The following ADGRL2 variants were observed in gnomAD, a reference collection of about 807,000 sequenced individuals.
ADGRL2 encodes calcium-independent alpha-latrotoxin receptor 2.
ADGRL2 carries 44 observed loss-of-function variants against 157.4 expected under a neutral mutation model. That is an observed-to-expected ratio of 0.28 (90% CI 0.22 to 0.36). The LOEUF is 0.36. ADGRL2 is among the 10% of genes least tolerant of loss of function. The pLI, the probability that ADGRL2 is intolerant of heterozygous loss-of-function variation, is 1.00. For synonymous variants in ADGRL2, 585 were observed against 624.7 expected (o/e 0.94, Z 0.95); for missense variants, 1,510 against 1,768.9 (o/e 0.85, Z 2.63).
chr1:81,331,022 G>C (rs560123590), intron 1 of ADGRL2, among the ~76,000 whole-genome samples: 1 of 152,124 alleles, frequency 6.6e-6, no homozygotes, highest in Non-Finnish European at 1.5e-5. Flanking sequence ...AAACATATTT[G>C]CATGCCCCAT....
At chr1:81,671,744 C>G (rs1412213359) in intron 3 of ADGRL2, among the ~76,000 whole-genome samples, 2 of 152,292 alleles carry the variant, frequency 1.3e-5, no homozygotes, top group African/African-American at 4.8e-5. Context: ...AACTCCTGAC[C>G]TCAGGTGATC....
chr1:81,847,131 A>G (rs2092823570), intron 2 of ADGRL2, among the ~76,000 whole-genome samples: 1 of 151,904 alleles, frequency 6.6e-6, no homozygotes, highest in Non-Finnish European at 1.5e-5. Flanking sequence ...AATGTGTATT[A>G]GGATCCAGAG....
intron 1 of ADGRL2, among the ~76,000 whole-genome samples, chr1:81,369,983 A>T (rs1343770880): frequency 6.6e-6 from 1 of 152,144 alleles, no homozygotes; most frequent in Admixed American, 6.6e-5. Flanking sequence ...GAGTGATGTC[A>T]TCAGTTAGTA....
At chr1:81,610,229 G>GTTTTTT (rs10657640) in intron 3 of ADGRL2, among the ~76,000 whole-genome samples, 7 of 127,384 alleles carry the variant, frequency 5.5e-5, no homozygotes, top group Non-Finnish European at 6.4e-5. Flanking sequence ...TGGCTTGGAG[G>GTTTTTT]TTTTTTTTTT....
chr1:81,956,126 C>G, intron 11 of ADGRL2, 66 bp downstream of exon 11: 1 of 1,209,640 alleles, frequency 8.3e-7, no homozygotes, highest in African/African-American at 1.5e-5. Context: ...GATGATGTTT[C>G]CATTCTGTAT....
chr1:81,626,665 A>C (rs1336758724), intron 3 of ADGRL2, among the ~76,000 whole-genome samples: 2 of 152,210 alleles, frequency 1.3e-5, no homozygotes, highest in African/African-American at 4.8e-5. Context: ...TTAGCTGAAA[A>C]CATTATTCAC....
At position 81,307,352 on chromosome 1, in the gene ADGRL2, T is replaced by C. The variant is rs534027235; in HGVS notation, c.-302+843T>C. On this transcript the variant is annotated intron_variant, in intron 1 of 24. Transcript: ENST00000370721. ...CTGGGCTTACGTTACTTCATATGTG[T>C]CTCCTTGAAGTTACTTATAATATTT... Among the ~76,000 whole-genome samples, 4 of 152,286 alleles carry C rather than the reference T, an allele frequency of 2.6e-5. No individual in the cohort carries two copies. The East Asian group carries it at 7.7e-4, about 29-fold the overall frequency.
intron 1 of ADGRL2, among the ~76,000 whole-genome samples, chr1:81,333,762 CAAA>C (rs35097540): frequency 7.1e-5 from 8 of 111,940 alleles, no homozygotes; most frequent in East Asian, 3.4e-4. Context: ...GTTCCCTAAG[CAAA>C]AAAAAAAAAA....
At chr1:81,383,662 T>TA (rs530939816) in intron 1 of ADGRL2, among the ~76,000 whole-genome samples, 7,663 of 141,970 alleles carry the variant, frequency 0.054, 253 homozygotes, top group East Asian at 0.13. Context: ...ACTACTAGTT[T>TA]AAAAAAAAAA....
At chr1:81,436,223 G>A (rs2077406582) in intron 1 of ADGRL2, among the ~76,000 whole-genome samples, 1 of 152,136 alleles carries the variant, frequency 6.6e-6, no homozygotes, top group African/African-American at 2.4e-5. Flanking sequence ...AAGAAGCACA[G>A]GGCAGACACG....
At chr1:81,536,608 G>GT (rs1338334395) in intron 2 of ADGRL2, among the ~76,000 whole-genome samples, 1 of 152,078 alleles carries the variant, frequency 6.6e-6, no homozygotes, top group Non-Finnish European at 1.5e-5. Context: ...CTGATCTAGG[G>GT]TTTTTTGTTT....
chr1:81,667,476 A>G (rs937203447), intron 3 of ADGRL2, among the ~76,000 whole-genome samples: 1 of 152,222 alleles, frequency 6.6e-6, no homozygotes, highest in African/African-American at 2.4e-5. Context: ...AGACAGTTTT[A>G]TAGTGCTACA....
intron 3 of ADGRL2, chr1:81,585,803 C>G (rs2081013941): frequency 6.6e-6 from 1 of 151,956 alleles, no homozygotes; most frequent in Non-Finnish European, 1.5e-5. Flanking sequence ...TTAATTCATT[C>G]CTTTGGCCTT....
rs3046460 is a variant in ADGRL2 at position 81,905,947 on chromosome 1, AGTGTGTGTGTGT to A, written c.74-1041_74-1030del. On this transcript the variant is annotated intron_variant, in intron 2 of 23. Coordinates refer to ENST00000686636, the MANE Select transcript of ADGRL2 (RefSeq NM_001366006.2). ...GGTCAGGAGATGGAGAAAAAAGCAGAGTGTGTGTGTGTGTGTGTGTGTGTGTGTGTGTGTGTG... is the reference window on the plus strand; with the variant it reads ...GGTCAGGAGATGGAGAAAAAAGCAGAGTGTGTGTGTGTGTGTGTGTGTGTG... 5.5e-5 allele frequency among the ~76,000 whole-genome samples: 8 copies of A among 144,484 alleles called. No homozygotes were observed. The East Asian group carries it at 6.1e-4, about 11-fold the overall frequency. The allele number at this position is 144,484 out of a possible 152,430, so 94.8% of individuals were successfully genotyped here.
intron 2 of ADGRL2, among the ~76,000 whole-genome samples, chr1:81,854,119 A>G (rs1256728667): frequency 6.6e-6 from 1 of 152,154 alleles, no homozygotes; most frequent in Non-Finnish European, 1.5e-5. Flanking sequence ...TTTTCTAATC[A>G]TCTTTGCATT....
chr1:81,488,231 G>A (rs1287372453), intron 2 of ADGRL2, among the ~76,000 whole-genome samples: 3 of 152,126 alleles, frequency 2.0e-5, no homozygotes, highest in East Asian at 3.8e-4. Flanking sequence ...AAAAAAGCAG[G>A]TTCAGAAAAG....
chr1:81,967,761 T>C lies in ADGRL2; in HGVS notation c.2350-265T>C, dbSNP rs56150308. ...AAAAAAGATTCTAATGTACCATCAA[T>C]TGTAAAATCATAAAATGGAAATTGT... On this transcript the variant is annotated intron_variant, in intron 13 of 23. Coordinates refer to ENST00000686636, the MANE Select transcript of ADGRL2 (RefSeq NM_001366006.2). Among the ~76,000 whole-genome samples, 838 of 152,294 alleles carry C rather than the reference T, an allele frequency of 5.5e-3. 6 individuals carry two copies. Among genetic ancestry groups the C allele is most frequent in the African/African-American group, 0.019 (810 of 41,564 alleles).
intron 2 of ADGRL2, among the ~76,000 whole-genome samples, chr1:81,523,531 G>T (rs2079375278): frequency 1.3e-5 from 2 of 152,022 alleles, no homozygotes; most frequent in African/African-American, 4.8e-5. Context: ...TAAAACATGG[G>T]TAAAGGAAAT....
In ADGRL2 at chr1:81,692,439, A is replaced by T. The variant is rs536300211; in HGVS notation, c.-142-69372A>T. On this transcript the variant is annotated intron_variant, in intron 3 of 24. Transcript: ENST00000370721. ...ATAACAGAGATGCCAACCCATCTTG[A>T]CCCCGCAGTGTTAAGCCAATTCCTT... Among the ~76,000 whole-genome samples the T allele has an allele frequency of 7.2e-5, 11 of 152,226 alleles. No homozygotes were observed. In the South Asian group the frequency reaches 1.9e-3, roughly 26 times the overall value.
Sources: allele counts gnomAD v4.1 joint callset (sites outside exome capture counted in the v4.1 genomes callset), GRCh38; gene constraint gnomAD v4.1.1; transcripts MANE v1.5; gene names NCBI Gene and HGNC (gene_info 2026-07-23, HGNC 2026-07-21).